Variants in BTRC observed in about 807,000 individuals in gnomAD.
The protein encoded by BTRC is beta-transducin repeat containing E3 ubiquitin protein ligase.
Under a neutral mutation model 85.5 loss-of-function variants are expected in BTRC, and 42 were observed. The observed-to-expected ratio is 0.49, with a 90% CI of 0.38 to 0.64. BTRC has a LOEUF of 0.64. Ranked by LOEUF, BTRC falls within the 30% of genes least tolerant of loss-of-function variation. The pLI, the probability that BTRC is intolerant of heterozygous loss-of-function variation, is 0.00. For synonymous variants in BTRC, 255 were observed against 263.3 expected (o/e 0.97, Z 0.30); for missense variants, 594 against 743.5 (o/e 0.80, Z 2.34).
At chr10:101,407,630 A>G (rs61874005) in intron 1 of BTRC, among the ~76,000 whole-genome samples, 41,430 of 151,998 alleles carry the variant, frequency 0.27, 6,777 homozygotes, top group South Asian at 0.4. Context: ...AGCTCAGGCA[A>G]TCCGCCCACC....
chr10:101,528,702 T>TA (rs1191032672), intron 6 of BTRC, among the ~76,000 whole-genome samples: 2 of 151,772 alleles, frequency 1.3e-5, no homozygotes, highest in African/African-American at 2.4e-5. Context: ...TTCCCTTTTT[T>TA]AAAAAAAAAT....
intron 3 of BTRC, among the ~76,000 whole-genome samples, chr10:101,467,431 T>A (rs145838738): frequency 6.6e-6 from 1 of 152,068 alleles, no homozygotes; most frequent in Non-Finnish European, 1.5e-5. Context: ...TTCTGATAAT[T>A]GCTCGAGAAA....
chr10:101,553,935 A>G lies in BTRC; in HGVS notation c.*812A>G, dbSNP rs1305367270. On this transcript the variant is annotated 3_prime_UTR_variant, in exon 15 of 15. Coordinates refer to ENST00000370187, the MANE Select transcript of BTRC (RefSeq NM_033637.4). ...GCTGTTCAGTGAAGATTTCAGCCCCAGGCCTTTGCTGCAAGTGACCCTGTG... is the reference window on the plus strand; with the variant it reads ...GCTGTTCAGTGAAGATTTCAGCCCCGGGCCTTTGCTGCAAGTGACCCTGTG... 6.8e-6 allele frequency: 1 copy of G among 147,410 alleles called. No individual in the cohort carries two copies. The highest frequency in any genetic ancestry group is 1.5e-5 in the Non-Finnish European group (1 of 67,728). 9.1% of individuals were successfully genotyped at this position (147,410 alleles called of 1,614,324 possible).
At chr10:101,519,627 C>G (rs1221763350) in intron 4 of BTRC, among the ~76,000 whole-genome samples, 1 of 152,202 alleles carries the variant, frequency 6.6e-6, no homozygotes, top group Non-Finnish European at 1.5e-5. Flanking sequence ...ATTTGGATCC[C>G]TCTTTTAATG....
chr10:101,514,917 C>A (rs1252790465), intron 4 of BTRC, among the ~76,000 whole-genome samples: 1 of 152,128 alleles, frequency 6.6e-6, no homozygotes, highest in Non-Finnish European at 1.5e-5. Flanking sequence ...AGTCTTCCAT[C>A]TTTTTTCAAA....
At chr10:101,514,096 T>G (rs1285643415) in intron 4 of BTRC, among the ~76,000 whole-genome samples, 1 of 152,246 alleles carries the variant, frequency 6.6e-6, no homozygotes, top group Non-Finnish European at 1.5e-5. Context: ...TGTTCAAATC[T>G]TTTGCCTATT....
intron 2 of BTRC, among the ~76,000 whole-genome samples, chr10:101,442,290 G>C (rs373753281): frequency 0.34 from 45,465 of 133,328 alleles, 9,038 homozygotes; most frequent in Middle Eastern, 0.45. Context: ...CTCTGTCTCT[G>C]TGTGTATGTG....
chr10:101,414,884 A>T (rs1235033405), intron 1 of BTRC, among the ~76,000 whole-genome samples: 7 of 151,952 alleles, frequency 4.6e-5, no homozygotes, highest in Non-Finnish European at 4.4e-5. Context: ...GCTAAATGTT[A>T]TTACAAAAGA....
intron 4 of BTRC, among the ~76,000 whole-genome samples, chr10:101,481,284 G>T (rs552609858): frequency 6.6e-6 from 1 of 152,196 alleles, no homozygotes; most frequent in East Asian, 1.9e-4. Flanking sequence ...TGGAAACAGG[G>T]ATACACAGTT....
At chr10:101,442,184 T>C (rs988460187) in intron 2 of BTRC, among the ~76,000 whole-genome samples, 2 of 152,086 alleles carry the variant, frequency 1.3e-5, no homozygotes, top group Non-Finnish European at 2.9e-5. Context: ...AACATCTGCT[T>C]AGAGGTACTG....
intron 13 of BTRC, among the ~76,000 whole-genome samples, chr10:101,547,531 G>A (rs2062578653): frequency 1.3e-5 from 2 of 151,682 alleles, no homozygotes; most frequent in Admixed American, 6.6e-5. Flanking sequence ...AGTAGAGACT[G>A]GGTTTCTGCT....
chr10:101,434,348 T>G (rs1564770093), intron 2 of BTRC, among the ~76,000 whole-genome samples: 1 of 152,212 alleles, frequency 6.6e-6, no homozygotes, highest in Non-Finnish European at 1.5e-5. Flanking sequence ...GTCTCAGTTT[T>G]TTTCAATAAA....
At chr10:101,461,828 G>A (rs1050154429) in intron 2 of BTRC, 153 bp from the exon 3 acceptor site, 2 of 495,390 alleles carry the variant, frequency 4.0e-6, no homozygotes, top group African/African-American at 3.9e-5. Flanking sequence ...TTTTACATAT[G>A]TGTATATCTG....
At chr10:101,511,897 C>T (rs1458694678) in intron 4 of BTRC, among the ~76,000 whole-genome samples, 3 of 152,092 alleles carry the variant, frequency 2.0e-5, no homozygotes, top group South Asian at 2.1e-4. Context: ...GTGATCTGTC[C>T]GCCTCAGCCT....
At chr10:101,400,256 G>A (rs912559339) in intron 1 of BTRC, among the ~76,000 whole-genome samples, 8 of 152,284 alleles carry the variant, frequency 5.3e-5, no homozygotes, top group East Asian at 3.9e-4. Flanking sequence ...GTGATGTGCG[G>A]GAAATCAGAT....
chr10:101,364,061 C>G (rs771712602), intron 1 of BTRC, among the ~76,000 whole-genome samples: 35 of 152,096 alleles, frequency 2.3e-4, no homozygotes, highest in Non-Finnish European at 3.5e-4. Context: ...GAGTAACTTG[C>G]ACAATACTAT....
rs1190184452 is a variant in BTRC, at chr10:101,366,944, ATATT to A, written c.48+12720_48+12723del. Reference sequence around the variant, plus strand: ...TATATATATTTATATATATTTATATATATTTATATATATATTTATATAAATATAT... The same window carrying A: ...TATATATATTTATATATATTTATATATATATATATATTTATATAAATATAT... On this transcript the variant is annotated intron_variant, in intron 1 of 14. Transcript: ENST00000370187. 7.6e-5 allele frequency among the ~76,000 whole-genome samples: 4 copies of A among 52,350 alleles called. 1 individual carries two copies. Among genetic ancestry groups the A allele is most frequent in the African/African-American group, 2.4e-4 (4 of 16,346 alleles). The allele number at this position is 52,350 out of a possible 152,430, so 34.3% of individuals were successfully genotyped here.
intron 4 of BTRC, among the ~76,000 whole-genome samples, chr10:101,504,314 T>TA (rs1186945829): frequency 6.6e-6 from 1 of 152,232 alleles, no homozygotes; most frequent in African/African-American, 2.4e-5. Flanking sequence ...AGAGGATGTT[T>TA]GTCCAACAAG....
intron 1 of BTRC, among the ~76,000 whole-genome samples, chr10:101,360,768 A>G (rs1320343308): frequency 6.6e-6 from 1 of 152,134 alleles, no homozygotes; most frequent in Non-Finnish European, 1.5e-5. Context: ...AGTAGCTGGG[A>G]CTACAGGTGC....
Sources: allele counts gnomAD v4.1 joint callset (sites outside exome capture counted in the v4.1 genomes callset), GRCh38; gene constraint gnomAD v4.1.1; transcripts MANE v1.5; gene names NCBI Gene and HGNC (gene_info 2026-07-23, HGNC 2026-07-21).